Variants in MTCL1 observed in about 807,000 individuals in gnomAD.
MTCL1 encodes the protein microtubule cross-linking factor 1.
MTCL1 carries 79 observed loss-of-function variants against 141.4 expected under a neutral mutation model. That is an observed-to-expected ratio of 0.56 (90% CI 0.47 to 0.67). The LOEUF (loss-of-function observed/expected upper bound fraction) is 0.67, where lower values mean the gene tolerates loss of function less well. Among genes scored for constraint, MTCL1 ranks in the 30% least tolerant of loss-of-function variants. The probability of loss-of-function intolerance (pLI) is 0.00; values close to 1 mark genes in which losing one functional copy is unlikely to be tolerated. For synonymous variants in MTCL1, 914 were observed against 875.8 expected (o/e 1.04, Z -0.77); for missense variants, 2,177 against 2,113.9 (o/e 1.03, Z -0.59).
At chr18:8,816,941 CA>C (rs2076674520) in intron 12 of MTCL1, among the ~76,000 whole-genome samples, 1 of 152,210 alleles carries the variant, frequency 6.6e-6, no homozygotes, top group East Asian at 1.9e-4. Flanking sequence ...GGCATCTTAG[CA>C]GCAGATATCT....
chr18:8,731,205 A>T (rs939683380), intron 4 of MTCL1, among the ~76,000 whole-genome samples: 6 of 152,150 alleles, frequency 3.9e-5, no homozygotes, highest in Non-Finnish European at 8.8e-5. Context: ...AGATTGTGCC[A>T]CTGCACTCCA....
chr18:8,721,747 A>G (rs1204715362), intron 4 of MTCL1, among the ~76,000 whole-genome samples: 1 of 152,282 alleles, frequency 6.6e-6, no homozygotes, highest in Admixed American at 6.5e-5. Context: ...GTCACCGCTC[A>G]TCTGACAATG....
chr18:8,821,099 TCA>T (rs2076831165), intron 13 of MTCL1, among the ~76,000 whole-genome samples: 1 of 152,296 alleles, frequency 6.6e-6, no homozygotes, highest in African/African-American at 2.4e-5. Context: ...TCTCTCTCTC[TCA>T]GTCTCACTCT....
At chr18:8,783,445 G>A in intron 5 of MTCL1, 85 bp from the exon 5 acceptor site, 1 of 1,240,254 alleles carries the variant, frequency 8.1e-7, no homozygotes, top group Non-Finnish European at 1.1e-6. Flanking sequence ...TGTGCATTGG[G>A]GGCGAGGTGT....
In MTCL1 at chr18:8,792,986, C is replaced by T; in HGVS notation, c.1888-12C>T. On this transcript the variant is annotated splice_polypyrimidine_tract_variant and intron_variant, in intron 7 of 16. Transcript: ENST00000359865. ...ATTTCCACTAAACCCCTTCCTTTAT[C>T]CCACCGATCAGCTCAGGGGCCCCCC... 1 of 1,613,234 alleles carries T rather than the reference C, an allele frequency of 6.2e-7. No individual in the cohort carries two copies. The highest frequency in any genetic ancestry group is 8.5e-7 in the Non-Finnish European group (1 of 1,179,674).
chr18:8,790,126 T>A (rs28682399), intron 7 of MTCL1, among the ~76,000 whole-genome samples: 1,842 of 152,328 alleles, frequency 0.012, 41 homozygotes, highest in African/African-American at 0.042. Context: ...CCCAGTGAAC[T>A]GGCTCAAGGA....
At chr18:8,760,632 C>T (rs1373761849) in intron 4 of MTCL1, among the ~76,000 whole-genome samples, 1 of 152,196 alleles carries the variant, frequency 6.6e-6, no homozygotes, top group South Asian at 2.1e-4. Context: ...TTCTTTACCT[C>T]CATTATTTCC....
intron 3 of MTCL1, among the ~76,000 whole-genome samples, chr18:8,719,633 G>A (rs1260118166): frequency 6.6e-6 from 1 of 152,166 alleles, no homozygotes; most frequent in Non-Finnish European, 1.5e-5. Flanking sequence ...CACCATCATA[G>A]CTCACTGTTA....
intron 11 of MTCL1, 138 bp downstream of exon 10, chr18:8,807,198 G>C: frequency 1.1e-6 from 1 of 929,336 alleles, no homozygotes; most frequent in Non-Finnish European, 1.6e-6. Context: ...GGCTGCTTGT[G>C]TCTCTTCTTA....
intron 4 of MTCL1, among the ~76,000 whole-genome samples, chr18:8,750,998 T>C (rs111557010): frequency 0.023 from 3,522 of 152,144 alleles, 133 homozygotes; most frequent in African/African-American, 0.075. Context: ...GGCCAGGCCC[T>C]CTCGTGCTCC....
rs760512733 is a variant in MTCL1 at position 8,821,509 on chromosome 18, T to G, written c.3188+11T>G. 19 of 1,328,962 alleles carry G rather than the reference T, an allele frequency of 1.4e-5. No homozygotes were observed. Among genetic ancestry groups the G allele is most frequent in the Non-Finnish European group, 1.8e-5 (17 of 939,080 alleles). The allele number at this position is 1,328,962 out of a possible 1,614,324, so 82.3% of individuals were successfully genotyped here. Reference sequence around the variant, plus strand: ...AGGAAATCTTCAAAGGTAAGTAAGATTGATGAAAATAATAGATTACTAGAA... The same window carrying G: ...AGGAAATCTTCAAAGGTAAGTAAGAGTGATGAAAATAATAGATTACTAGAA... On this transcript the variant is annotated intron_variant, in intron 14 of 16. Transcript: ENST00000359865.
chr18:8,821,419 G>A (rs985105793), intron 13 of MTCL1, 48 bp from the exon 13 acceptor site: 4 of 1,275,120 alleles, frequency 3.1e-6, no homozygotes, highest in East Asian at 2.4e-5. Context: ...CAGGGCTTCT[G>A]GACAACCAAA....
At chr18:8,818,377 T>A (rs1200678913) in intron 12 of MTCL1, among the ~76,000 whole-genome samples, 1 of 152,086 alleles carries the variant, frequency 6.6e-6, no homozygotes, top group Non-Finnish European at 1.5e-5. Flanking sequence ...TCATACCAGA[T>A]CTTTACTTGC....
intron 16 of MTCL1, chr18:8,831,353 A>G: frequency 7.6e-7 from 1 of 1,316,002 alleles, no homozygotes; most frequent in Non-Finnish European, 9.7e-7. Flanking sequence ...GAGCTTTGCA[A>G]GCTGACTCAT....
chr18:8,719,693 G>T (rs1382624566), intron 3 of MTCL1, among the ~76,000 whole-genome samples: 1 of 152,096 alleles, frequency 6.6e-6, no homozygotes, highest in Non-Finnish European at 1.5e-5. Flanking sequence ...CTCTCAAGTA[G>T]CTGGGACTAT....
At chr18:8,739,800 C>T (rs917086810) in intron 4 of MTCL1, among the ~76,000 whole-genome samples, 6 of 152,100 alleles carry the variant, frequency 3.9e-5, no homozygotes, top group East Asian at 1.9e-4. Context: ...GGCCTGATCT[C>T]GGCTCACTGC....
rs574571544 is a variant in MTCL1 at position 8,778,541 on chromosome 18, TA to T, written c.417+651del. ...GAGAGACACAATGAGTCGGGGTAACTAAGAGCTCAGCAACCTCCACCGACCT... is the reference window on the plus strand; with the variant it reads ...GAGAGACACAATGAGTCGGGGTAACTAGAGCTCAGCAACCTCCACCGACCT... On this transcript the variant is annotated intron_variant, in intron 5 of 16. Coordinates refer to ENST00000359865, the Ensembl canonical transcript of MTCL1. Among the ~76,000 whole-genome samples the T allele has an allele frequency of 4.6e-5, 7 of 152,282 alleles. No individual in the cohort carries two copies. In the East Asian group the frequency reaches 1.3e-3, roughly 29 times the overall value.
upstream of MTCL1, among the ~76,000 whole-genome samples, chr18:8,716,295 A>C (rs2096127740): frequency 6.6e-6 from 1 of 152,234 alleles, no homozygotes; most frequent in Admixed American, 6.5e-5. Flanking sequence ...AACAGGCTCC[A>C]GATGAGTCCT....
chr18:8,774,924 C>T (rs1381934576), intron 4 of MTCL1, among the ~76,000 whole-genome samples: 1 of 152,094 alleles, frequency 6.6e-6, no homozygotes, highest in Non-Finnish European at 1.5e-5. Context: ...TGGCAGGACT[C>T]AGGGCTACAG....
Sources: allele counts gnomAD v4.1 joint callset (sites outside exome capture counted in the v4.1 genomes callset), GRCh38; gene constraint gnomAD v4.1.1; transcripts MANE v1.5; gene names NCBI Gene and HGNC (gene_info 2026-07-23, HGNC 2026-07-21).